The following AJAP1 variants were observed in gnomAD, a reference collection of about 807,000 sequenced individuals.
The protein encoded by AJAP1 is adherens junctions associated protein 1, also known as adherens junction-associated protein 1.
AJAP1 carries 5 observed loss-of-function variants against 35.0 expected under a neutral mutation model. The observed-to-expected ratio is 0.14, with a 90% CI of 0.07 to 0.30. The LOEUF (loss-of-function observed/expected upper bound fraction) is 0.30, where lower values mean the gene tolerates loss of function less well. Ranked by LOEUF, AJAP1 falls within the 10% of genes least tolerant of loss-of-function variation. The pLI is 1.00. For synonymous variants in AJAP1, 284 were observed against 249.3 expected (o/e 1.14, Z -1.31); for missense variants, 586 against 571.0 (o/e 1.03, Z -0.27).
Position 4,787,772 on chromosome 1 carries a change from C to T in AJAP1, c.*5287C>T, listed in dbSNP as rs1424135844. ...GGAGGATAAGGGGGTTCAACGTCAG[C>T]GACTTGGCCCACGGGGCACGGGCAC... On this transcript the variant is annotated 3_prime_UTR_variant, in exon 6 of 6. Coordinates refer to ENST00000378191, the MANE Select transcript of AJAP1 (RefSeq NM_018836.4). 2.9e-5 allele frequency: 13 copies of T among 454,642 alleles called. No individual in the cohort carries two copies. The highest frequency in any genetic ancestry group is 9.4e-5 in the Admixed American group (4 of 42,380). 28.2% of individuals were successfully genotyped at this position (454,642 alleles called of 1,614,324 possible).
chr1:4,770,574 C>T (rs946137526), intron 3 of AJAP1, among the ~76,000 whole-genome samples: 3 of 152,166 alleles, frequency 2.0e-5, no homozygotes, highest in African/African-American at 7.2e-5. Flanking sequence ...CCTTGGGGAC[C>T]TCACCTGCCT....
At chr1:4,662,720 C>T (rs144033316) in intron 1 of AJAP1, among the ~76,000 whole-genome samples, 1 of 152,234 alleles carries the variant, frequency 6.6e-6, no homozygotes, top group African/African-American at 2.4e-5. Flanking sequence ...TAGGCTCCTC[C>T]CTCTTGTTCT....
chr1:4,756,042 A>G (rs977117626), intron 2 of AJAP1, among the ~76,000 whole-genome samples: 2 of 152,110 alleles, frequency 1.3e-5, no homozygotes, highest in Non-Finnish European at 2.9e-5. Context: ...GCATAGACTT[A>G]TGCTTAGCAT....
At position 4,723,771 on chromosome 1, in the gene AJAP1, T is replaced by C. The variant is rs1258496130; in HGVS notation, c.829+11072T>C. ...TATGGAGGTGGACGAGGATTTTGGT[T>C]GTTCTGTTTCGTTTTGATTTTTTTT... On this transcript the variant is annotated intron_variant, in intron 2 of 5. Transcript: ENST00000378191. The surrounding 1 kb of genome is among the most constrained non-coding windows in gnomAD (Gnocchi z 4.3). 6.6e-6 allele frequency among the ~76,000 whole-genome samples: 1 copy of C among 151,986 alleles called. No individual in the cohort carries two copies. Among genetic ancestry groups the C allele is most frequent in the African/African-American group, 2.4e-5 (1 of 41,330 alleles).
intron 1 of AJAP1, among the ~76,000 whole-genome samples, chr1:4,668,213 CA>C (rs35921768): frequency 6.0e-5 from 9 of 149,378 alleles, no homozygotes; most frequent in Admixed American, 6.6e-5. Flanking sequence ...AACTCTATCT[CA>C]AAAAAAAAAA....
chr1:4,691,701 G>C (rs1230508157), intron 1 of AJAP1, among the ~76,000 whole-genome samples: 2 of 152,160 alleles, frequency 1.3e-5, no homozygotes, highest in Non-Finnish European at 2.9e-5. Flanking sequence ...TTAGGAAGGA[G>C]GGCCAGGACC....
rs367892753 is a variant in AJAP1, at chr1:4,672,592, C to T, written c.29+17138C>T. Among the ~76,000 whole-genome samples the T allele has an allele frequency of 2.2e-4, 34 of 152,304 alleles. 1 individual carries two copies. In the South Asian group the frequency reaches 7.0e-3, roughly 32 times the overall value. On this transcript the variant is annotated intron_variant, in intron 1 of 5. Coordinates refer to ENST00000378191, the MANE Select transcript of AJAP1 (RefSeq NM_018836.4). The stretch of plus-strand genomic sequence containing the variant: ...CCAGGATAGAGGCCCTTCCATTGCA[C>T]TCCTGAGCTGTCTGCAAAGTCACTT...
rs997542677 is a variant in AJAP1, at chr1:4,664,483, C to T, written c.29+9029C>T. Among the ~76,000 whole-genome samples, 12 of 152,236 alleles carry T rather than the reference C, an allele frequency of 7.9e-5. No homozygotes were observed. The South Asian group carries it at 1.0e-3, about 13-fold the overall frequency. ...TGCCAGGTGACAGCAGCAGCCTGTC[C>T]GGGTGGTTGGGCCCAAGGGTCAGCC... is the stretch of plus-strand genomic sequence containing the variant. On this transcript the variant is annotated intron_variant, in intron 1 of 5. Transcript: ENST00000378191.
Position 4,726,550 on chromosome 1 carries a change from A to G in AJAP1, c.829+13851A>G, listed in dbSNP as rs185530053. The stretch of plus-strand genomic sequence containing the variant: ...CGGTTGTGGGGTCTGGGCCGGAGGA[A>G]GAGGTCAGGTTCTGAACACCCAGAG... On this transcript the variant is annotated intron_variant, in intron 2 of 5. Transcript: ENST00000378191. Among the ~76,000 whole-genome samples the G allele has an allele frequency of 1.5e-3, 232 of 152,132 alleles. 3 individuals are homozygous for G. The highest frequency in any genetic ancestry group is 5.3e-3 in the African/African-American group (222 of 41,506).
At chr1:4,746,157 G>A (rs559913520) in intron 2 of AJAP1, among the ~76,000 whole-genome samples, 2 of 152,262 alleles carry the variant, frequency 1.3e-5, no homozygotes, top group Admixed American at 6.5e-5. Context: ...GCTGCTTCCA[G>A]CTTCTGGGGA....
intron 1 of AJAP1, among the ~76,000 whole-genome samples, chr1:4,691,162 G>A (rs1557610797): frequency 6.6e-6 from 1 of 152,200 alleles, no homozygotes; most frequent in Non-Finnish European, 1.5e-5. Flanking sequence ...CAGAAGCCAG[G>A]AGCCCAGAGT....
chr1:4,752,381 A>T (rs1171660672), intron 2 of AJAP1, among the ~76,000 whole-genome samples: 1 of 152,096 alleles, frequency 6.6e-6, no homozygotes, highest in Non-Finnish European at 1.5e-5. Context: ...GGACGTCATG[A>T]TCAGTAATTG....
chr1:4,678,418 G>A (rs1639406809), intron 1 of AJAP1, among the ~76,000 whole-genome samples: 1 of 152,200 alleles, frequency 6.6e-6, no homozygotes, highest in African/African-American at 2.4e-5. Context: ...GAAACCAGAT[G>A]TTGGCCGGGT....
Position 4,712,518 on chromosome 1 carries a change from GGCC to G in AJAP1, c.652_654del (p.Ala218del), listed in dbSNP as rs1245696035. On this transcript the variant is annotated inframe_deletion, in exon 2 of 6. Transcript: ENST00000378191. ...TCCTACAAACACGGAAGACAACTGTGGCCGCCACCACCACCACCACCACCACGG... is the reference window on the plus strand; with the variant it reads ...TCCTACAAACACGGAAGACAACTGTGGCCACCACCACCACCACCACCACGG... The G allele has an allele frequency of 2.2e-5, 35 of 1,612,560 alleles. No individual in the cohort carries two copies. The East Asian group carries it at 7.6e-4, about 35-fold the overall frequency.
intron 2 of AJAP1, among the ~76,000 whole-genome samples, chr1:4,736,817 A>T (rs776443563): frequency 2.6e-5 from 4 of 152,182 alleles, no homozygotes; most frequent in Admixed American, 6.5e-5. Context: ...CCGCTGGTAA[A>T]CTTGGAGTGC....
At chr1:4,758,530 A>T (rs768041361) in intron 2 of AJAP1, among the ~76,000 whole-genome samples, 3 of 152,100 alleles carry the variant, frequency 2.0e-5, no homozygotes, top group Non-Finnish European at 4.4e-5. Context: ...AGAGCCCCTT[A>T]TAAAACCATC....
At chr1:4,721,575 C>T (rs1278938348) in intron 2 of AJAP1, among the ~76,000 whole-genome samples, 2 of 152,218 alleles carry the variant, frequency 1.3e-5, no homozygotes, top group Non-Finnish European at 2.9e-5. Context: ...GGCCAAGCTG[C>T]TGAGACCCAC....
chr1:4,687,359 G>A (rs72637594), intron 1 of AJAP1, among the ~76,000 whole-genome samples: 6,517 of 152,184 alleles, frequency 0.043, 289 homozygotes, highest in East Asian at 0.21. Flanking sequence ...TCCCTTAAGC[G>A]GAGTGTAAAA....
intron 1 of AJAP1, among the ~76,000 whole-genome samples, chr1:4,698,466 C>T (rs1320927446): frequency 6.6e-6 from 1 of 152,222 alleles, no homozygotes; most frequent in Admixed American, 6.5e-5. Context: ...CTGAGGTCTC[C>T]ACATCACCTT....
Sources: allele counts gnomAD v4.1 joint callset (sites outside exome capture counted in the v4.1 genomes callset), GRCh38; gene constraint gnomAD v4.1.1; non-coding constraint Gnocchi (gnomAD v3.1); transcripts MANE v1.5; gene names NCBI Gene and HGNC (gene_info 2026-07-23, HGNC 2026-07-21).